HTT: variants seen among roughly 807,000 people sequenced by gnomAD.
The protein encoded by HTT is huntington disease protein.
A neutral mutation model predicts 362.3 loss-of-function variants in HTT; 104 were observed. The observed-to-expected ratio is 0.29, with a 90% CI of 0.24 to 0.34. The LOEUF (loss-of-function observed/expected upper bound fraction) is 0.34. Ranked by LOEUF, HTT falls within the 10% of genes least tolerant of loss-of-function variation. The probability of loss-of-function intolerance (pLI) is 1.00; values close to 1 mark genes in which losing one functional copy is unlikely to be tolerated. For synonymous variants in HTT, 1,577 were observed against 1,548.7 expected, an observed-to-expected ratio of 1.02 and a Z score of -0.43; for missense variants, 3,301 against 3,928.6, an observed-to-expected ratio of 0.84 and a Z score of 4.27.
At chr4:3,237,633 C>A (rs1721602178) in intron 64 of HTT, among the ~76,000 whole-genome samples, 1 of 152,200 alleles carries the variant, frequency 6.6e-6, no homozygotes, top group South Asian at 2.1e-4. Context: ...GGAGCAGTGT[C>A]TTCAGAGCGG....
At chr4:3,125,289 A>T (rs1442934643) in intron 10 of HTT, among the ~76,000 whole-genome samples, 3 of 152,150 alleles carry the variant, frequency 2.0e-5, no homozygotes, top group African/African-American at 7.2e-5. Context: ...AATTATTAAA[A>T]TGTTTTGTGG....
intron 29 of HTT, among the ~76,000 whole-genome samples, chr4:3,164,131 G>A (rs1314946925): frequency 2.0e-5 from 3 of 152,188 alleles, no homozygotes; most frequent in Non-Finnish European, 2.9e-5. Flanking sequence ...TTGTGTCTTC[G>A]TTCTCATTGG....
chr4:3,190,862 G>A (rs1177647017), intron 40 of HTT, among the ~76,000 whole-genome samples: 2 of 152,232 alleles, frequency 1.3e-5, no homozygotes, highest in African/African-American at 4.8e-5. Flanking sequence ...ATAGCTAGAA[G>A]CCTAGTTCTA....
rs748656860 is a variant in HTT at position 3,193,084 on chromosome 4, C to T, written c.5368+3991C>T. 3.9e-4 allele frequency among the ~76,000 whole-genome samples: 59 copies of T among 152,340 alleles called. No individual in the cohort carries two copies. In the Middle Eastern group the frequency reaches 0.014, roughly 35 times the overall value. On this transcript the variant is annotated intron_variant, in intron 40 of 66. Transcript: ENST00000355072. Reference sequence around the variant, plus strand: ...TTTTGCAGAGAAGAGTTCCGGCACCCAAGAGAGCAGCTGAGAGTACAGGCA... The same window carrying T: ...TTTTGCAGAGAAGAGTTCCGGCACCTAAGAGAGCAGCTGAGAGTACAGGCA...
chr4:3,190,284 C>G (rs1718955008), intron 40 of HTT, among the ~76,000 whole-genome samples: 1 of 149,680 alleles, frequency 6.7e-6, no homozygotes, highest in African/African-American at 2.5e-5. Flanking sequence ...GAGTTCGAGG[C>G]TGCAGGGAGC....
chr4:3,217,948 C>A lies in HTT; in HGVS notation c.7238C>A (p.Pro2413Gln). 6.2e-7 allele frequency: 1 copy of A among 1,607,132 alleles called. No homozygotes were observed. Among genetic ancestry groups the A allele is most frequent in the Non-Finnish European group, 8.5e-7 (1 of 1,177,066 alleles). The change falls in exon 52 of 67, where the codon CCA becomes CAA. Residue 2413 changes from proline to glutamine, a missense_variant. Pro to Gln is a moderately conservative substitution (Grantham distance 76). This residue lies in a region of HTT where 753 missense variants were observed against 1,021.3 expected (regional missense o/e 0.74). Coordinates refer to ENST00000355072, the MANE Select transcript of HTT (RefSeq NM_001388492.1). ...GTCAACAGCTACACACGTGTGCCCC[C>A]ACTGGTGAGTCTGCTCGTTCCTTGC... ...PLVNSYTRVP[P>Q]LVWKLGWSPK...
Position 3,223,480 on chromosome 4 carries a change from T to A in HTT, c.7545T>A (p.Thr2515=), listed in dbSNP as rs752867307. The part of the protein sequence containing the change: ...AITSLVLSAM[T]VPVAGNPAVS... ...CCTCACTGGTGCTCAGTGCAATGAC[T>A]GTGCCTGTGGCCGGCAACCCAGCTG... The change falls in exon 55 of 67, where the codon ACT becomes ACA. Residue 2515 remains threonine, a synonymous_variant. Transcript: ENST00000355072. The A allele has an allele frequency of 5.6e-6, 9 of 1,613,924 alleles. No homozygotes were observed. The East Asian group carries it at 1.3e-4, about 24-fold the overall frequency.
chr4:3,143,775 G>A (rs1257632356), intron 23 of HTT, among the ~76,000 whole-genome samples: 1 of 151,698 alleles, frequency 6.6e-6, no homozygotes, highest in Non-Finnish European at 1.5e-5. Context: ...GGCTAATTTT[G>A]TATTTTTAGT....
At chr4:3,161,864 C>T (rs894878706) in intron 29 of HTT, among the ~76,000 whole-genome samples, 1 of 152,080 alleles carries the variant, frequency 6.6e-6, no homozygotes, top group African/African-American at 2.4e-5. Flanking sequence ...TTATCCCATT[C>T]TGTAGGTTGC....
At chr4:3,193,682 T>G (rs1166030678) in intron 40 of HTT, among the ~76,000 whole-genome samples, 3 of 152,256 alleles carry the variant, frequency 2.0e-5, no homozygotes, top group Admixed American at 2.0e-4. Context: ...TTAGTTGCCT[T>G]TAGCCACATG....
intron 29 of HTT, among the ~76,000 whole-genome samples, chr4:3,162,674 TC>T (rs1233512782): frequency 1.3e-5 from 2 of 152,214 alleles, no homozygotes; most frequent in Admixed American, 1.3e-4. Flanking sequence ...GGTGTTTCAT[TC>T]CCTTAGTAGC....
In HTT at chr4:3,087,102, TC is replaced by T. The variant is rs923933173; in HGVS notation, c.347+83del. On this transcript the variant is annotated intron_variant, in intron 2 of 66. Transcript: ENST00000355072. The stretch of plus-strand genomic sequence containing the variant: ...TTAATGGGCTAGAATATTCTTTGTG[TC>T]CCAGCTATTTTAAATGGATTCAGAA... 1.9e-5 allele frequency: 14 copies of T among 724,326 alleles called. No individual in the cohort carries two copies. The African/African-American group carries it at 2.5e-4, about 13-fold the overall frequency. 44.9% of individuals were successfully genotyped at this position (724,326 alleles called of 1,614,324 possible).
At chr4:3,223,357 G>A (rs373710665) in intron 54 of HTT, 49 bp from the exon 55 acceptor site, 200 of 1,516,124 alleles carry the variant, frequency 1.3e-4, no homozygotes, top group Non-Finnish European at 1.7e-4. Context: ...AGGCAGAGGT[G>A]GTTGTGGGTG....
chr4:3,220,981 G>T (rs1001944319), intron 53 of HTT, among the ~76,000 whole-genome samples: 1 of 152,204 alleles, frequency 6.6e-6, no homozygotes, highest in Non-Finnish European at 1.5e-5. Context: ...CTAAATAAGT[G>T]TCTAAATGAA....
intron 66 of HTT, 49 bp downstream of exon 66, chr4:3,239,027 C>G (rs370054002): frequency 1.3e-6 from 2 of 1,536,172 alleles, no homozygotes; most frequent in South Asian, 1.2e-5. Flanking sequence ...TTGTCAACAC[C>G]GAGGCTCATG....
At chr4:3,221,897 G>A (rs1720691950) in intron 53 of HTT, among the ~76,000 whole-genome samples, 1 of 152,330 alleles carries the variant, frequency 6.6e-6, no homozygotes, top group Admixed American at 6.5e-5. Flanking sequence ...CTTTATTGAG[G>A]TAGAATTCAC....
At chr4:3,120,533 G>A (rs1715246304) in intron 8 of HTT, among the ~76,000 whole-genome samples, 1 of 152,336 alleles carries the variant, frequency 6.6e-6, no homozygotes, top group South Asian at 2.1e-4. Context: ...AGCAGGAAGT[G>A]AGCAGCAGGT....
chr4:3,230,098 C>CT, intron 60 of HTT, 56 bp downstream of exon 60: 1 of 1,500,198 alleles, frequency 6.7e-7, no homozygotes, highest in Non-Finnish European at 9.3e-7. Flanking sequence ...GCCCATCTGC[C>CT]TTGGGACCTG....
intron 37 of HTT, among the ~76,000 whole-genome samples, chr4:3,184,658 G>A (rs1718678523): frequency 6.6e-6 from 1 of 152,100 alleles, no homozygotes. Flanking sequence ...GACATTGGGG[G>A]CAGCAGGAGG....
Sources: gnomAD v4.1 joint callset for allele counts (sites outside exome capture counted in the v4.1 genomes callset) on GRCh38, gnomAD v4.1.1 for gene constraint, gnomAD v4.1.1 regional missense constraint, MANE v1.5 for transcripts, NCBI Gene and HGNC (gene_info 2026-07-23, HGNC 2026-07-21) for gene names.